Variants in ELF2 observed in about 807,000 individuals in gnomAD.
ELF2 encodes ETS-related transcription factor Elf-2.
In ELF2, 11 loss-of-function variants were observed where a neutral mutation model predicts 54.8. That is an observed-to-expected ratio of 0.20 (90% CI 0.13 to 0.33). The LOEUF (loss-of-function observed/expected upper bound fraction) is 0.33, where lower values mean the gene tolerates loss of function less well. ELF2 is among the 10% of genes least tolerant of loss of function. ELF2 has a pLI of 1.00. For missense variants in ELF2, 513 were observed against 703.0 expected (o/e 0.73, Z 3.06); for synonymous variants, 203 against 245.1 (o/e 0.83, Z 1.61).
intron 4 of ELF2, among the ~76,000 whole-genome samples, chr4:139,100,891 C>G (rs1733815638): frequency 6.6e-6 from 1 of 152,028 alleles, no homozygotes; most frequent in Admixed American, 6.6e-5. Flanking sequence ...ATAATGAAAA[C>G]AGGCTGATTA....
intron 1 of ELF2, among the ~76,000 whole-genome samples, chr4:139,173,905 T>C (rs992613565): frequency 6.6e-6 from 1 of 151,176 alleles, no homozygotes; most frequent in Admixed American, 6.6e-5. Flanking sequence ...CTGGGTAATA[T>C]GGTGAAACCC....
chr4:139,061,212 TCA>T (rs1329449809), intron 8 of ELF2, among the ~76,000 whole-genome samples: 1 of 150,482 alleles, frequency 6.6e-6, no homozygotes, highest in African/African-American at 2.4e-5. Context: ...TCTCGCTCTG[TCA>T]CCCAGGCTGC....
chr4:139,122,496 T>TTTTGTTTTG (rs113360508), intron 4 of ELF2, among the ~76,000 whole-genome samples: 3 of 150,490 alleles, frequency 2.0e-5, no homozygotes, highest in Non-Finnish European at 4.4e-5. Context: ...CTTTTTTTAG[T>TTTTGTTTTG]TTTTGTTTTG....
chr4:139,080,915 A>G (rs1731014132), intron 4 of ELF2, among the ~76,000 whole-genome samples: 1 of 151,686 alleles, frequency 6.6e-6, no homozygotes, highest in Non-Finnish European at 1.5e-5. Flanking sequence ...GAACTTATAG[A>G]CATATTCATT....
At chr4:139,164,781 G>C (rs907922959) in intron 1 of ELF2, among the ~76,000 whole-genome samples, 2 of 152,178 alleles carry the variant, frequency 1.3e-5, no homozygotes, top group Admixed American at 1.3e-4. Flanking sequence ...AACATCTTCT[G>C]AACTGCAGCT....
intron 4 of ELF2, among the ~76,000 whole-genome samples, chr4:139,107,488 C>T (rs1435581304): frequency 1.3e-5 from 2 of 152,096 alleles, no homozygotes; most frequent in Non-Finnish European, 2.9e-5. Context: ...ATCATACGTA[C>T]CCCAAAATAT....
intron 4 of ELF2, among the ~76,000 whole-genome samples, chr4:139,074,913 T>A (rs1051528804): frequency 6.6e-6 from 1 of 152,254 alleles, no homozygotes; most frequent in East Asian, 1.9e-4. Context: ...GGAGGAGACA[T>A]CCTGGAACCA....
At chr4:139,154,333 T>A (rs568911006) in intron 1 of ELF2, among the ~76,000 whole-genome samples, 4 of 152,198 alleles carry the variant, frequency 2.6e-5, no homozygotes, top group Non-Finnish European at 5.9e-5. Flanking sequence ...CTCTGAGAAG[T>A]AGACGTATCT....
chr4:139,109,895 T>C (rs1734786333), intron 4 of ELF2, among the ~76,000 whole-genome samples: 1 of 152,210 alleles, frequency 6.6e-6, no homozygotes, highest in African/African-American at 2.4e-5. Flanking sequence ...GTGTTCACTA[T>C]CTGGGTGATG....
rs950338864 is a variant in ELF2, at chr4:139,121,163, C to A, written c.238+4001G>T. On this transcript the variant is annotated intron_variant, in intron 4 of 9. Transcript: ENST00000686138. ...TTGCTCTGTCGCCCAGGCTGGAGTGCAGTGGCGCGATCTCGGCTCACTGCA... is the reference window on the plus strand; with the variant it reads ...TTGCTCTGTCGCCCAGGCTGGAGTGAAGTGGCGCGATCTCGGCTCACTGCA... Among the ~76,000 whole-genome samples, 3 of 121,674 alleles carry A rather than the reference C, an allele frequency of 2.5e-5. No individual in the cohort carries two copies. The East Asian group carries it at 7.4e-4, about 30-fold the overall frequency. 79.8% of individuals were successfully genotyped at this position (121,674 alleles called of 152,430 possible).
intron 4 of ELF2, among the ~76,000 whole-genome samples, chr4:139,082,335 A>C (rs1731231465): frequency 6.6e-6 from 1 of 152,190 alleles, no homozygotes; most frequent in Non-Finnish European, 1.5e-5. Flanking sequence ...TCCATCCCTT[A>C]ATTCATATTG....
intron 4 of ELF2, among the ~76,000 whole-genome samples, chr4:139,088,773 T>G (rs1732268086): frequency 6.6e-6 from 1 of 152,128 alleles, no homozygotes; most frequent in South Asian, 2.1e-4. Context: ...TTTTCTTTTT[T>G]CTGAGACAGA....
chr4:139,119,747 C>G (rs1017842870), intron 4 of ELF2, among the ~76,000 whole-genome samples: 1 of 152,104 alleles, frequency 6.6e-6, no homozygotes, highest in Non-Finnish European at 1.5e-5. Context: ...GTGATGGGAT[C>G]TTGACTACAC....
chr4:139,130,768 A>G lies in ELF2; in HGVS notation c.73-5439T>C, dbSNP rs141142569. Among the ~76,000 whole-genome samples, 406 of 152,348 alleles carry G rather than the reference A, an allele frequency of 2.7e-3. 1 individual carries two copies. Among genetic ancestry groups the G allele is most frequent in the Middle Eastern group, 0.014 (4 of 294 alleles). ...ATATAAACTAAAGTGGCATTTAAGT[A>G]CAGATATTTGTAGCTTGGCTCAAAG... On this transcript the variant is annotated intron_variant, in intron 3 of 9. Coordinates refer to ENST00000686138, the MANE Select transcript of ELF2 (RefSeq NM_001331036.3).
At chr4:139,134,353 T>C (rs1252850182) in intron 3 of ELF2, among the ~76,000 whole-genome samples, 1 of 151,958 alleles carries the variant, frequency 6.6e-6, no homozygotes, top group Non-Finnish European at 1.5e-5. Flanking sequence ...GTTAGTTTTT[T>C]GGTTTTGCTT....
intron 4 of ELF2, among the ~76,000 whole-genome samples, chr4:139,086,504 A>G (rs1164614672): frequency 2.0e-5 from 3 of 152,248 alleles, no homozygotes; most frequent in African/African-American, 7.2e-5. Context: ...TTTTTATGTT[A>G]CTGATTTATT....
At chr4:139,162,872 G>T (rs1741313240) in intron 1 of ELF2, among the ~76,000 whole-genome samples, 1 of 152,064 alleles carries the variant, frequency 6.6e-6, no homozygotes. Context: ...TGAAACAGGA[G>T]GATTACTTAA....
At chr4:139,092,179 T>C (rs546743329) in intron 4 of ELF2, among the ~76,000 whole-genome samples, 1 of 150,966 alleles carries the variant, frequency 6.6e-6, no homozygotes, top group East Asian at 2.0e-4. Flanking sequence ...CTGGCAAACA[T>C]GGTGAAACCT....
intron 3 of ELF2, among the ~76,000 whole-genome samples, chr4:139,126,948 T>TGCTA (rs1269540234): frequency 6.6e-6 from 1 of 152,200 alleles, no homozygotes; most frequent in Non-Finnish European, 1.5e-5. Context: ...GATTCCACGA[T>TGCTA]GCTAGCTATG....
Sources: allele counts gnomAD v4.1 joint callset (sites outside exome capture counted in the v4.1 genomes callset), GRCh38; gene constraint gnomAD v4.1.1; transcripts MANE v1.5; gene names NCBI Gene and HGNC (gene_info 2026-07-23, HGNC 2026-07-21).